PCSK5: variants seen among roughly 807,000 people sequenced by gnomAD.
PCSK5 encodes prohormone convertase 5.
Under a neutral mutation model 233.2 loss-of-function variants are expected in PCSK5, and 129 were observed. That is an observed-to-expected ratio of 0.55 (90% CI 0.48 to 0.64). The LOEUF is 0.64. PCSK5 is among the 30% of genes least tolerant of loss of function. PCSK5 has a pLI of 0.00. For synonymous variants in PCSK5, 825 were observed against 879.2 expected (o/e 0.94, Z 1.09); for missense variants, 2,076 against 2,430.1 (o/e 0.85, Z 3.06).
chr9:76,016,353 C>T (rs952304366), intron 3 of PCSK5, among the ~76,000 whole-genome samples: 3 of 152,174 alleles, frequency 2.0e-5, no homozygotes, highest in African/African-American at 7.2e-5. Flanking sequence ...GGGACAGTGT[C>T]ATGGCCAGTA....
At position 75,974,872 on chromosome 9, in the gene PCSK5, AC is replaced by A. The variant is rs1825950996; in HGVS notation, c.298-11259del. Among the ~76,000 whole-genome samples the A allele has an allele frequency of 2.0e-5, 3 of 152,316 alleles. No homozygotes were observed. In the South Asian group the frequency reaches 6.2e-4, roughly 32 times the overall value. ...AAGGGGACAGAATACACTTATGCAA[AC>A]TTCACTCATTTCCCTAAAGGTTGCA... On this transcript the variant is annotated intron_variant, in intron 2 of 37. Coordinates refer to ENST00000674117, the MANE Select transcript of PCSK5 (RefSeq NM_001372043.1).
intron 26 of PCSK5, 50 bp from the exon 27 acceptor site, chr9:76,296,615 T>C: frequency 7.7e-7 from 1 of 1,296,764 alleles, no homozygotes; most frequent in Admixed American, 1.8e-5. Flanking sequence ...GAACTTGGCC[T>C]TGCAAAGATC....
At chr9:76,299,698 A>G (rs1006086573) in intron 27 of PCSK5, among the ~76,000 whole-genome samples, 1 of 152,116 alleles carries the variant, frequency 6.6e-6, no homozygotes, top group Non-Finnish European at 1.5e-5. Context: ...ACGAACAAAC[A>G]AAAATATATA....
chr9:75,899,305 A>C (rs1048182007), intron 1 of PCSK5, among the ~76,000 whole-genome samples: 2 of 152,220 alleles, frequency 1.3e-5, no homozygotes, highest in Non-Finnish European at 2.9e-5. Context: ...ATACATATAC[A>C]TAGTGAAATG....
intron 35 of PCSK5, among the ~76,000 whole-genome samples, chr9:76,345,327 G>T (rs1478399753): frequency 6.6e-6 from 1 of 152,008 alleles, no homozygotes; most frequent in African/African-American, 2.4e-5. Flanking sequence ...CCGCCTGCCG[G>T]GTTCAAGGGA....
chr9:76,070,954 A>G (rs6560496), intron 6 of PCSK5, among the ~76,000 whole-genome samples: 17,251 of 152,190 alleles, frequency 0.11, 1,428 homozygotes, highest in African/African-American at 0.23. Flanking sequence ...TTACTTAACA[A>G]TTAGATGCTT....
intron 5 of PCSK5, among the ~76,000 whole-genome samples, chr9:76,046,201 G>A (rs1829384900): frequency 2.4e-5 from 2 of 83,108 alleles, no homozygotes; most frequent in South Asian, 4.4e-4. Flanking sequence ...TTTTTGAGAC[G>A]GAGTCTCGCC....
At chr9:76,353,811 T>C (rs1315346371) in intron 36 of PCSK5, among the ~76,000 whole-genome samples, 1 of 152,250 alleles carries the variant, frequency 6.6e-6, no homozygotes, top group African/African-American at 2.4e-5. Context: ...CCCACTGTTA[T>C]TAGCAGATCT....
At position 76,121,888 on chromosome 9, in the gene PCSK5, A is replaced by G. The variant is rs1490736574; in HGVS notation, c.1209-12221A>G. Among the ~76,000 whole-genome samples the G allele has an allele frequency of 1.9e-4, 7 of 37,296 alleles. 3 individuals are homozygous for G. Among genetic ancestry groups the G allele is most frequent in the Non-Finnish European group, 2.6e-4 (4 of 15,388 alleles). The allele number at this position is 37,296 out of a possible 152,430, so 24.5% of individuals were successfully genotyped here. ...GCCCAGGCTGGAGTGCAGTGGCGGG[A>G]TCTCGGCTCACTGCAAGCTCCGCCT... is the stretch of plus-strand genomic sequence containing the variant. On this transcript the variant is annotated intron_variant, in intron 9 of 37. Transcript: ENST00000674117.
At chr9:76,234,708 T>C (rs1587788672) in intron 22 of PCSK5, among the ~76,000 whole-genome samples, 1 of 152,226 alleles carries the variant, frequency 6.6e-6, no homozygotes, top group African/African-American at 2.4e-5. Flanking sequence ...TTATGAAAAT[T>C]AAATGACATG....
chr9:76,294,194 C>CAA (rs11415964), intron 25 of PCSK5, among the ~76,000 whole-genome samples: 1,207 of 99,842 alleles, frequency 0.012, 17 homozygotes, highest in African/African-American at 0.039. Context: ...GATTTAGTCT[C>CAA]AAAAAAAAAA....
chr9:76,224,537 G>T (rs753719477), intron 20 of PCSK5, among the ~76,000 whole-genome samples: 2 of 152,190 alleles, frequency 1.3e-5, no homozygotes, highest in African/African-American at 2.4e-5. Flanking sequence ...CCCAGGTGGG[G>T]GATGCAAGCT....
chr9:76,324,752 TC>T (rs1352055299), intron 32 of PCSK5, among the ~76,000 whole-genome samples: 1 of 152,180 alleles, frequency 6.6e-6, no homozygotes, highest in African/African-American at 2.4e-5. Context: ...TCTAGAATTC[TC>T]TAGCAAGTGA....
At chr9:76,173,496 CTTTTT>C (rs59248860) in intron 13 of PCSK5, among the ~76,000 whole-genome samples, 42 of 60,992 alleles carry the variant, frequency 6.9e-4, no homozygotes, top group East Asian at 5.6e-3. Context: ...GGCACGTTTC[CTTTTT>C]TTTTTTTTTT....
At chr9:76,082,214 C>G (rs1451594519) in intron 7 of PCSK5, among the ~76,000 whole-genome samples, 1 of 152,222 alleles carries the variant, frequency 6.6e-6, no homozygotes, top group East Asian at 1.9e-4. Context: ...CAGACTTACA[C>G]AGTTTCATTT....
intron 20 of PCSK5, among the ~76,000 whole-genome samples, chr9:76,223,589 C>T (rs1434453123): frequency 6.6e-6 from 1 of 152,156 alleles, no homozygotes; most frequent in African/African-American, 2.4e-5. Context: ...TCCTCAGTGT[C>T]TTTGAACCAT....
At chr9:75,982,372 A>G (rs943033028) in intron 2 of PCSK5, among the ~76,000 whole-genome samples, 2 of 152,190 alleles carry the variant, frequency 1.3e-5, no homozygotes, top group Non-Finnish European at 2.9e-5. Context: ...TTTTAAAGGA[A>G]TTGTTTAATT....
intron 1 of PCSK5, among the ~76,000 whole-genome samples, chr9:75,922,655 C>G (rs141504265): frequency 0.025 from 3,833 of 152,208 alleles, 76 homozygotes; most frequent in Non-Finnish European, 0.038. Context: ...ATGCAGCACC[C>G]TAGCCAATTG....
At chr9:75,920,156 T>G (rs150592560) in intron 1 of PCSK5, among the ~76,000 whole-genome samples, 107 of 152,142 alleles carry the variant, frequency 7.0e-4, no homozygotes, top group African/African-American at 2.5e-3. Flanking sequence ...AGACTCCGTC[T>G]CAAAAAAAAG....
Sources: gnomAD v4.1 joint callset for allele counts (sites outside exome capture counted in the v4.1 genomes callset) on GRCh38, gnomAD v4.1.1 for gene constraint, MANE v1.5 for transcripts, NCBI Gene and HGNC (gene_info 2026-07-23, HGNC 2026-07-21) for gene names.